The following CFAP70 variants were observed in gnomAD, a reference collection of about 807,000 sequenced individuals.
CFAP70 encodes the protein cilia and flagella associated protein 70.
Under a neutral mutation model 137.6 loss-of-function variants are expected in CFAP70, and 81 were observed. The ratio of observed to expected loss-of-function variants is 0.59; its 90% CI spans 0.49 to 0.71. CFAP70 has a LOEUF of 0.71. Among genes scored for constraint, CFAP70 ranks in the 30% least tolerant of loss-of-function variants. The probability of loss-of-function intolerance (pLI) is 0.00; values close to 1 mark genes in which losing one functional copy is unlikely to be tolerated. For synonymous variants in CFAP70, 382 were observed against 423.6 expected, an observed-to-expected ratio of 0.90 and a Z score of 1.20; for missense variants, 976 against 1,226.7, an observed-to-expected ratio of 0.80 and a Z score of 3.05.
chr10:73,300,999 G>C (rs1051165364), intron 12 of CFAP70, among the ~76,000 whole-genome samples: 1 of 152,196 alleles, frequency 6.6e-6, no homozygotes, highest in Non-Finnish European at 1.5e-5. Context: ...GGGAAAGAAA[G>C]ACAATAAATA....
At chr10:73,348,360 C>T (rs778664815) in intron 4 of CFAP70, 63 bp downstream of exon 4, 28 of 1,553,276 alleles carry the variant, frequency 1.8e-5, no homozygotes, top group Non-Finnish European at 2.4e-5. Flanking sequence ...ATTTCTATAT[C>T]TCTCTGGGGC....
At chr10:73,359,505 CA>C (rs1485656155), upstream of CFAP70, among the ~76,000 whole-genome samples, 1 of 152,106 alleles carries the variant, frequency 6.6e-6, no homozygotes, top group African/African-American at 2.4e-5. Flanking sequence ...ACAATTTGAG[CA>C]TGAAGTAAAC....
upstream of CFAP70, among the ~76,000 whole-genome samples, chr10:73,362,060 CAATT>C (rs1195087378): frequency 6.6e-6 from 1 of 152,102 alleles, no homozygotes; most frequent in Non-Finnish European, 1.5e-5. Flanking sequence ...TCAAAATAAT[CAATT>C]GAATTGAGAG....
intron 10 of CFAP70, 90 bp downstream of exon 11, chr10:73,312,383 T>C (rs2049988568): frequency 5.2e-6 from 5 of 968,720 alleles, no homozygotes; most frequent in Non-Finnish European, 7.6e-6. Context: ...AAATGCAAAC[T>C]AACATTGATA....
At chr10:73,336,623 G>A (rs1458271876) in intron 6 of CFAP70, among the ~76,000 whole-genome samples, 8 of 129,528 alleles carry the variant, frequency 6.2e-5, no homozygotes, top group African/African-American at 1.2e-4. Flanking sequence ...TCGCTCTGTC[G>A]CCCAGGCTGG....
intron 14 of CFAP70, 120 bp downstream of exon 15, chr10:73,298,787 G>A (rs1424201048): frequency 2.4e-6 from 2 of 819,666 alleles, no homozygotes; most frequent in Non-Finnish European, 3.8e-6. Context: ...TTAGCTCTTT[G>A]CCCCACCAAG....
intron 1 of CFAP70, 186 bp downstream of exon 1, chr10:73,358,592 G>C (rs1195070605): frequency 6.6e-6 from 1 of 152,426 alleles, no homozygotes; most frequent in Non-Finnish European, 1.5e-5. Context: ...TAAATATCGG[G>C]GTTTTCAGCC....
exon 2 of CFAP70, chr10:73,354,754 C>T (rs763086380): frequency 3.1e-6 from 5 of 1,614,068 alleles, no homozygotes; most frequent in Non-Finnish European, 4.2e-6. Context: ...CCCTCTGTCA[C>T]GGTGATCTGC....
chr10:73,344,054 C>T lies in CFAP70; in HGVS notation c.399+1011G>A, dbSNP rs551154431. The stretch of plus-strand genomic sequence containing the variant: ...CTTGGCTCACTGCAACCTCTGCCTC[C>T]CAGGTTTAAGTGGTTCTCCTGCCTC... On this transcript the variant is annotated intron_variant, in intron 5 of 26. Coordinates refer to ENST00000310715, the Ensembl canonical transcript of CFAP70. Among the ~76,000 whole-genome samples, 23 of 152,088 alleles carry T rather than the reference C, an allele frequency of 1.5e-4. No homozygotes were observed. The South Asian group carries it at 4.8e-3, about 32-fold the overall frequency.
intron 14 of CFAP70, among the ~76,000 whole-genome samples, chr10:73,298,400 G>GT (rs1707106870): frequency 6.6e-6 from 1 of 152,110 alleles, no homozygotes; most frequent in South Asian, 2.1e-4. Flanking sequence ...AAGATTTGGA[G>GT]TTTTTTGTTT....
chr10:73,284,737 CACATATATATATATATATATATAT>C lies in CFAP70; in HGVS notation c.2240-6424_2240-6401del, dbSNP rs1416469662. Among the ~76,000 whole-genome samples, 12 of 60,090 alleles carry C rather than the reference CACATATATATATATATATATATAT, an allele frequency of 2.0e-4. 1 individual carries two copies. Among genetic ancestry groups the C allele is most frequent in the African/African-American group, 7.1e-4 (10 of 14,134 alleles). 39.4% of individuals were successfully genotyped at this position (60,090 alleles called of 152,430 possible). On this transcript the variant is annotated intron_variant, in intron 19 of 26. Transcript: ENST00000310715. ...AGCCTATGGGCCATATATGACCTGC[CACATATATATATATATATATATAT>C]ATATATATATATATATATATATATA...
intron 9 of CFAP70, among the ~76,000 whole-genome samples, chr10:73,312,921 C>T (rs1467132333): frequency 2.0e-5 from 3 of 152,134 alleles, no homozygotes; most frequent in Admixed American, 6.6e-5. Context: ...AATCAGAATG[C>T]TTTTAATCTT....
intron 3 of CFAP70, among the ~76,000 whole-genome samples, chr10:73,349,551 A>C (rs1471574237): frequency 6.6e-6 from 1 of 152,106 alleles, no homozygotes. Flanking sequence ...TCAAAAAAAA[A>C]AAAAAGAAAA....
At chr10:73,257,171 C>A (rs2044608611) in intron 25 of CFAP70, among the ~76,000 whole-genome samples, 1 of 152,034 alleles carries the variant, frequency 6.6e-6, no homozygotes, top group African/African-American at 2.4e-5. Flanking sequence ...TTATTATTCC[C>A]AATTTACAGA....
At chr10:73,348,353 T>C (rs1187314726) in intron 4 of CFAP70, 70 bp downstream of exon 4, 4 of 1,545,392 alleles carry the variant, frequency 2.6e-6, no homozygotes, top group African/African-American at 2.7e-5. Flanking sequence ...GAGGCTAATT[T>C]CTATATCTCT....
At chr10:73,279,037 G>A (rs2047034193) in intron 19 of CFAP70, 1 of 150,826 alleles carries the variant, frequency 6.6e-6, no homozygotes, top group Non-Finnish European at 1.5e-5. Flanking sequence ...GTATGTTTAA[G>A]CTTATTTCAA....
intron 11 of CFAP70, among the ~76,000 whole-genome samples, chr10:73,311,580 T>C (rs2049925959): frequency 6.6e-6 from 1 of 152,226 alleles, no homozygotes; most frequent in South Asian, 2.1e-4. Context: ...TCCCTTATAA[T>C]GTTTAACATA....
At chr10:73,306,588 T>C (rs532899726) in intron 12 of CFAP70, among the ~76,000 whole-genome samples, 2 of 152,244 alleles carry the variant, frequency 1.3e-5, no homozygotes, top group East Asian at 3.9e-4. Context: ...CTAAGAATTC[T>C]ATATCCAGGT....
At chr10:73,323,661 A>G (rs2051103153) in intron 8 of CFAP70, among the ~76,000 whole-genome samples, 1 of 152,204 alleles carries the variant, frequency 6.6e-6, no homozygotes, top group Admixed American at 6.5e-5. Context: ...AAAATGGCAC[A>G]CCAAGAGATT....
Sources: allele counts gnomAD v4.1 joint callset (sites outside exome capture counted in the v4.1 genomes callset), GRCh38; gene constraint gnomAD v4.1.1; transcripts MANE v1.5; gene names NCBI Gene and HGNC (gene_info 2026-07-23, HGNC 2026-07-21).